Variants in COX7B2 observed in about 807,000 individuals in gnomAD.
COX7B2 encodes the protein cytochrome c oxidase subunit 7B2, mitochondrial.
For synonymous variants in COX7B2, 37 were observed against 32.1 expected, an observed-to-expected ratio of 1.15 and a Z score of -0.51; for missense variants, 109 against 95.9, an observed-to-expected ratio of 1.14 and a Z score of -0.57.
At chr4:46,807,924 A>C (rs1243790696) in intron 2 of COX7B2, among the ~76,000 whole-genome samples, 2 of 151,916 alleles carry the variant, frequency 1.3e-5, no homozygotes, top group Non-Finnish European at 2.9e-5. Flanking sequence ...TGATTGTTAT[A>C]GATTTGTAAT....
rs1716874008 is a variant in COX7B2, at chr4:46,771,467, A to G, written c.-49-36226T>C. 3.9e-5 allele frequency among the ~76,000 whole-genome samples: 6 copies of G among 152,286 alleles called. No individual in the cohort carries two copies. In the South Asian group the frequency reaches 1.2e-3, roughly 32 times the overall value. On this transcript the variant is annotated intron_variant, in intron 2 of 2. Transcript: ENST00000355591. Reference sequence around the variant, plus strand: ...ATCCAACAATCTCACTTCTGGGTACACATTTAAAGCAAATGAAATCGGTAC... The same window carrying G: ...ATCCAACAATCTCACTTCTGGGTACGCATTTAAAGCAAATGAAATCGGTAC...
chr4:46,890,908 C>G (rs1037718655), intron 1 of COX7B2, among the ~76,000 whole-genome samples: 1 of 152,140 alleles, frequency 6.6e-6, no homozygotes, highest in Non-Finnish European at 1.5e-5. Context: ...ATGGATCTTT[C>G]TGGTCATGTG....
At chr4:46,855,700 T>C (rs1008067376) in intron 1 of COX7B2, among the ~76,000 whole-genome samples, 1 of 152,130 alleles carries the variant, frequency 6.6e-6, no homozygotes, top group Non-Finnish European at 1.5e-5. Flanking sequence ...ATATGTAATA[T>C]TTTTTACATG....
intron 2 of COX7B2, among the ~76,000 whole-genome samples, chr4:46,770,899 T>C (rs6857706): frequency 1.3e-5 from 2 of 152,118 alleles, no homozygotes; most frequent in African/African-American, 4.8e-5. Flanking sequence ...ACAAAGCTTC[T>C]TGACACTGGT....
chr4:46,891,788 C>A (rs1055902350), intron 1 of COX7B2, among the ~76,000 whole-genome samples: 1 of 152,132 alleles, frequency 6.6e-6, no homozygotes, highest in Admixed American at 6.6e-5. Flanking sequence ...ACAGATGTTT[C>A]AGGGCAATAC....
intron 2 of COX7B2, among the ~76,000 whole-genome samples, chr4:46,816,710 A>C (rs144828147): frequency 2.6e-5 from 4 of 152,334 alleles, no homozygotes; most frequent in Non-Finnish European, 4.4e-5. Flanking sequence ...TAATAAAGGA[A>C]TTATAGTCTA....
intron 2 of COX7B2, among the ~76,000 whole-genome samples, chr4:46,805,703 T>C (rs1201122905): frequency 6.6e-6 from 1 of 152,200 alleles, no homozygotes; most frequent in East Asian, 1.9e-4. Context: ...CTTCACACAA[T>C]GCCCCTTTTT....
intron 2 of COX7B2, among the ~76,000 whole-genome samples, chr4:46,782,284 G>C (rs1416523757): frequency 6.6e-6 from 1 of 151,920 alleles, no homozygotes; most frequent in African/African-American, 2.4e-5. Flanking sequence ...CTAGCCAGAG[G>C]ATTGTAAATG....
intron 1 of COX7B2, among the ~76,000 whole-genome samples, chr4:46,877,367 C>G (rs368758719): frequency 1.3e-5 from 2 of 152,170 alleles, no homozygotes; most frequent in Non-Finnish European, 2.9e-5. Context: ...CTTTCACTCT[C>G]CTTAAAATGC....
At chr4:46,754,405 C>G (rs1182614405) in intron 2 of COX7B2, among the ~76,000 whole-genome samples, 1 of 150,918 alleles carries the variant, frequency 6.6e-6, no homozygotes, top group African/African-American at 2.4e-5. Context: ...GAGTTCATGT[C>G]CTTTGTAGGG....
chr4:46,796,064 TTG>T (rs1718316921), intron 2 of COX7B2, among the ~76,000 whole-genome samples: 1 of 108,200 alleles, frequency 9.2e-6, no homozygotes, highest in African/African-American at 4.1e-5. Flanking sequence ...TCCTGAGACT[TTG>T]CTGAAGTTGC....
chr4:46,759,774 GTCTTA>G (rs934328513), intron 2 of COX7B2, among the ~76,000 whole-genome samples: 25 of 148,638 alleles, frequency 1.7e-4, no homozygotes, highest in African/African-American at 3.7e-4. Context: ...TAAGTTATAT[GTCTTA>G]TCTTATATAA....
At chr4:46,834,847 C>G (rs1715400273) in intron 2 of COX7B2, among the ~76,000 whole-genome samples, 5 of 151,936 alleles carry the variant, frequency 3.3e-5, no homozygotes, top group Admixed American at 2.0e-4. Context: ...TAATGAATGA[C>G]AAAACTCCAG....
chr4:46,764,696 A>T (rs1477036233), intron 2 of COX7B2, among the ~76,000 whole-genome samples: 6 of 139,012 alleles, frequency 4.3e-5, no homozygotes, highest in African/African-American at 1.3e-4. Flanking sequence ...AAAAAAAAAA[A>T]GTAGAATATT....
At chr4:46,854,833 A>T (rs1202055078) in intron 1 of COX7B2, among the ~76,000 whole-genome samples, 1 of 152,194 alleles carries the variant, frequency 6.6e-6, no homozygotes, top group Non-Finnish European at 1.5e-5. Flanking sequence ...ACTTGAAAAG[A>T]GTTATATTCT....
chr4:46,784,479 G>A (rs1437405672), intron 2 of COX7B2, among the ~76,000 whole-genome samples: 1 of 152,042 alleles, frequency 6.6e-6, no homozygotes, highest in Admixed American at 6.5e-5. Flanking sequence ...ACAAAAATTA[G>A]CTAGACATGG....
chr4:46,804,442 C>T (rs980121345), intron 2 of COX7B2, among the ~76,000 whole-genome samples: 6 of 152,020 alleles, frequency 3.9e-5, no homozygotes, highest in Non-Finnish European at 7.4e-5. Flanking sequence ...CTGATTGGTC[C>T]GTTGTGACAG....
intron 2 of COX7B2, among the ~76,000 whole-genome samples, chr4:46,750,613 G>A (rs943637519): frequency 6.6e-6 from 1 of 152,072 alleles, no homozygotes; most frequent in East Asian, 1.9e-4. Context: ...TAAGGTAAAG[G>A]CTAACTTCTT....
At chr4:46,793,272 C>A (rs1177261652) in intron 2 of COX7B2, among the ~76,000 whole-genome samples, 2 of 151,222 alleles carry the variant, frequency 1.3e-5, no homozygotes, top group Non-Finnish European at 2.9e-5. Context: ...GGGGTTATCT[C>A]CAGACTGGTA....
Sources: allele counts gnomAD v4.1 joint callset (sites outside exome capture counted in the v4.1 genomes callset), GRCh38; gene constraint gnomAD v4.1.1; transcripts MANE v1.5; gene names NCBI Gene and HGNC (gene_info 2026-07-23, HGNC 2026-07-21).